LATS2: variants seen among roughly 807,000 people sequenced by gnomAD.
LATS2 encodes the protein large tumor suppressor kinase 2, also known as serine/threonine-protein kinase LATS2.
In LATS2, 24 loss-of-function variants were observed where a neutral mutation model predicts 76.0. The observed-to-expected ratio is 0.32, with a 90% confidence interval of 0.23 to 0.44. The LOEUF is 0.44. Among genes scored for constraint, LATS2 ranks in the 20% least tolerant of loss-of-function variants. The probability of loss-of-function intolerance (pLI) is 1.00; values close to 1 mark genes in which losing one functional copy is unlikely to be tolerated. For missense variants in LATS2, 1,286 were observed against 1,481.2 expected (o/e 0.87, Z 2.16); for synonymous variants, 692 against 635.4 (o/e 1.09, Z -1.34).
At chr13:20,992,776 C>A (rs924433892) in intron 2 of LATS2, among the ~76,000 whole-genome samples, 2 of 152,168 alleles carry the variant, frequency 1.3e-5, no homozygotes, top group African/African-American at 4.8e-5. Flanking sequence ...GTGGCTCACG[C>A]CTGTAATCCC....
At chr13:20,976,928 G>A (rs1416636176) in intron 7 of LATS2, among the ~76,000 whole-genome samples, 5 of 152,142 alleles carry the variant, frequency 3.3e-5, no homozygotes, top group African/African-American at 4.8e-5. Context: ...AATCCAGTGG[G>A]ATATAAACCC....
At chr13:21,001,922 AT>A (rs1034409382) in intron 2 of LATS2, among the ~76,000 whole-genome samples, 9 of 146,398 alleles carry the variant, frequency 6.1e-5, no homozygotes, top group South Asian at 2.3e-4. Flanking sequence ...TTAAAAATCC[AT>A]TTTTTTTTGA....
At chr13:21,047,925 T>C (rs1353613136) in intron 1 of LATS2, among the ~76,000 whole-genome samples, 2 of 152,144 alleles carry the variant, frequency 1.3e-5, no homozygotes, top group Admixed American at 6.5e-5. Flanking sequence ...ATTTAGAAGA[T>C]AAGAGAGAGA....
chr13:21,050,780 G>A (rs1323235665), intron 1 of LATS2, among the ~76,000 whole-genome samples: 1 of 152,208 alleles, frequency 6.6e-6, no homozygotes, highest in African/African-American at 2.4e-5. Flanking sequence ...GCGACTGGCA[G>A]AGCCCCTGGA....
chr13:21,041,555 C>G (rs777648050), intron 2 of LATS2, among the ~76,000 whole-genome samples: 1 of 151,978 alleles, frequency 6.6e-6, no homozygotes, highest in African/African-American at 2.4e-5. Flanking sequence ...TATTCAGGAC[C>G]AGGAAAATGT....
At chr13:21,039,871 C>T (rs1318804835) in intron 2 of LATS2, among the ~76,000 whole-genome samples, 1 of 152,034 alleles carries the variant, frequency 6.6e-6, no homozygotes, top group Non-Finnish European at 1.5e-5. Context: ...GTCAGGAGTT[C>T]GAGACCAACC....
chr13:21,001,550 G>A (rs572393527), intron 2 of LATS2, among the ~76,000 whole-genome samples: 1 of 152,246 alleles, frequency 6.6e-6, no homozygotes, highest in East Asian at 1.9e-4. Flanking sequence ...TCGCACCATG[G>A]TTGGAGACAG....
intron 2 of LATS2, among the ~76,000 whole-genome samples, chr13:21,022,657 T>C (rs1872117033): frequency 6.6e-6 from 1 of 152,192 alleles, no homozygotes; most frequent in African/African-American, 2.4e-5. Flanking sequence ...ATCCCGCGTT[T>C]ACTGCCTGAG....
chr13:21,006,144 A>G (rs948627546), intron 2 of LATS2, among the ~76,000 whole-genome samples: 3 of 152,132 alleles, frequency 2.0e-5, no homozygotes, highest in African/African-American at 7.2e-5. Flanking sequence ...TCTCAAAAAA[A>G]AAGAAAGAAA....
rs1363724848 is a variant in LATS2 at position 21,012,333 on chromosome 13, T to G, written c.343-20929A>C. Among the ~76,000 whole-genome samples, 3 of 152,130 alleles carry G rather than the reference T, an allele frequency of 2.0e-5. No individual in the cohort carries two copies. The East Asian group carries it at 5.8e-4, about 29-fold the overall frequency. ...AAGGCCTAGGACATTACTGGACACT[T>G]TAAAAGACCAGCAGTGCCCAGTGCT... On this transcript the variant is annotated intron_variant, in intron 2 of 7. Transcript: ENST00000382592.
intron 2 of LATS2, among the ~76,000 whole-genome samples, chr13:20,992,260 T>TG (rs1231521221): frequency 6.6e-6 from 1 of 151,996 alleles, no homozygotes; most frequent in South Asian, 2.1e-4. Flanking sequence ...TAGGTGGAGA[T>TG]GGGGGGATGG....
intron 2 of LATS2, among the ~76,000 whole-genome samples, chr13:20,997,452 GC>G (rs1870805599): frequency 6.6e-6 from 1 of 152,220 alleles, no homozygotes. Flanking sequence ...TGGGACACCT[GC>G]CAGTATCAGG....
chr13:21,026,024 C>T (rs1872298357), intron 2 of LATS2, among the ~76,000 whole-genome samples: 1 of 152,132 alleles, frequency 6.6e-6, no homozygotes, highest in South Asian at 2.1e-4. Context: ...ATCTTTAAGC[C>T]ACCTCTGAAA....
intron 2 of LATS2, among the ~76,000 whole-genome samples, chr13:21,022,846 T>G (rs1411597507): frequency 6.6e-6 from 1 of 152,216 alleles, no homozygotes; most frequent in Admixed American, 6.5e-5. Flanking sequence ...TAAAGGGATT[T>G]TGCAGATTAT....
intron 2 of LATS2, among the ~76,000 whole-genome samples, chr13:21,010,984 G>A (rs900886492): frequency 1.7e-4 from 26 of 152,208 alleles, no homozygotes; most frequent in African/African-American, 6.0e-4. Context: ...TTACATTGAA[G>A]GCTGCAGCTC....
intron 2 of LATS2, among the ~76,000 whole-genome samples, chr13:20,996,291 G>C (rs569998651): frequency 1.1e-4 from 16 of 152,016 alleles, no homozygotes; most frequent in South Asian, 2.1e-4. Flanking sequence ...TCCCAACCTT[G>C]GAAGCATCTT....
intron 2 of LATS2, among the ~76,000 whole-genome samples, chr13:21,023,662 A>AC (rs1565957652): frequency 1.8e-4 from 7 of 38,074 alleles, no homozygotes; most frequent in South Asian, 1.8e-3. Context: ...AAAAAAAAAA[A>AC]AAAAAAAAAA....
chr13:21,046,901 A>G (rs1873094272), intron 1 of LATS2, among the ~76,000 whole-genome samples: 1 of 152,218 alleles, frequency 6.6e-6, no homozygotes, highest in African/African-American at 2.4e-5. Flanking sequence ...CCTAAATAGT[A>G]AAATTAAAAT....
intron 1 of LATS2, among the ~76,000 whole-genome samples, chr13:21,057,881 G>A (rs1476861651): frequency 6.6e-6 from 1 of 152,216 alleles, no homozygotes; most frequent in Non-Finnish European, 1.5e-5. Flanking sequence ...ACAGCTAACA[G>A]TGAAATGAAC....
Sources: allele counts gnomAD v4.1 joint callset (sites outside exome capture counted in the v4.1 genomes callset), GRCh38; gene constraint gnomAD v4.1.1; transcripts MANE v1.5; gene names NCBI Gene and HGNC (gene_info 2026-07-23, HGNC 2026-07-21).